The following KIAA1586 variants were observed in gnomAD, a reference collection of about 807,000 sequenced individuals.
KIAA1586 encodes KIAA1586, also known as E3 SUMO-protein ligase KIAA1586.
Under a neutral mutation model 6.1 loss-of-function variants are expected in KIAA1586, and 5 were observed. That is an observed-to-expected ratio of 0.82 (90% confidence interval 0.43 to 1.73). The LOEUF is 1.73. Ranked by LOEUF, KIAA1586 falls within the 40% of genes most tolerant of loss-of-function variation. The pLI, the probability that KIAA1586 is intolerant of heterozygous loss-of-function variation, is 0.02. For synonymous variants in KIAA1586, 280 were observed against 301.7 expected (o/e 0.93, Z 0.75); for missense variants, 899 against 878.2 (o/e 1.02, Z -0.30).
chr6:57,054,928 T>TA lies in KIAA1586; in HGVS notation c.*65_*66insA. 7.2e-7 allele frequency: 1 copy of TA among 1,379,434 alleles called. No individual in the cohort carries two copies. Among genetic ancestry groups the TA allele is most frequent in the African/African-American group, 1.5e-5 (1 of 68,396 alleles). 85.4% of individuals were successfully genotyped at this position (1,379,434 alleles called of 1,614,324 possible). ...TACACATCCTTTATATACATAAAGG[T>TA]CTTTTTTTTTTTTGGAAAGCCAGTT... On this transcript the variant is annotated 3_prime_UTR_variant, in exon 4 of 4. Transcript: ENST00000370733.
downstream of KIAA1586, among the ~76,000 whole-genome samples, chr6:57,057,865 GGCTTACT>G: frequency 6.6e-6 from 1 of 152,016 alleles, no homozygotes; most frequent in East Asian, 1.9e-4. Flanking sequence ...GCATGATCAT[GGCTTACT>G]GCAACCTCTG....
chr6:57,052,828 A>G lies in KIAA1586; in HGVS notation c.329A>G (p.Tyr110Cys), dbSNP rs747362080. The G allele has an allele frequency of 3.1e-6, 5 of 1,613,636 alleles. No individual in the cohort carries two copies. The Admixed American group carries it at 6.7e-5, about 22-fold the overall frequency. ...LSKAKEPHFE[Y>C]IEQPIIEEKP... The stretch of plus-strand genomic sequence containing the variant: ...AAGGCAAAGGAACCACATTTCGAGT[A>G]TATTGAACAACCAATCATTGAAGAA... Residue 110 changes from tyrosine to cysteine, a missense_variant, in exon 4 of 4, where the codon TAT becomes TGT. Tyr to Cys is a radical substitution (Grantham distance 194, BLOSUM62 -2). Coordinates refer to ENST00000370733, the MANE Select transcript of KIAA1586 (RefSeq NM_020931.4).
At position 57,046,718 on chromosome 6, in the gene KIAA1586, G is replaced by C; in HGVS notation, c.-38G>C. 6.2e-7 allele frequency: 1 copy of C among 1,611,656 alleles called. No homozygotes were observed. Among genetic ancestry groups the C allele is most frequent in the South Asian group, 1.1e-5 (1 of 90,676 alleles). On this transcript the variant is annotated 5_prime_UTR_variant, in exon 1 of 4. Coordinates refer to ENST00000370733, the MANE Select transcript of KIAA1586 (RefSeq NM_020931.4). ...GGTGGCGGCTGCGGCAGTAGGGACA[G>C]CAGGAGCAGTGGTGCTGTCAGCGCG...
At chr6:57,061,988 A>G in the KIAA1586 span, among the ~76,000 whole-genome samples, 2 of 150,718 alleles carry the variant, frequency 1.3e-5, no homozygotes, top group African/African-American at 2.4e-5. Context: ...CTAAAGTGCA[A>G]TGGTGCGATC....
the KIAA1586 span, among the ~76,000 whole-genome samples, chr6:57,064,497 A>G: frequency 2.6e-5 from 4 of 152,302 alleles, no homozygotes; most frequent in East Asian, 5.8e-4. Context: ...TTCAATGACA[A>G]CATTTTTCTT....
Position 57,053,704 on chromosome 6 carries a change from T to G in KIAA1586, c.1205T>G (p.Val402Gly). Residue 402 changes from valine to glycine, a missense_variant, in exon 4 of 4, where the codon GTA becomes GGA. Val to Gly is a moderately radical substitution (Grantham distance 109). Coordinates refer to ENST00000370733, the MANE Select transcript of KIAA1586 (RefSeq NM_020931.4). ...ACAATCCTGGGAAGAAAGTCTGGAG[T>G]AGCTACAAAATTGTTAGAAAATTTT... ...ANTILGRKSG[V>G]ATKLLENFPE... is the part of the protein sequence containing the mutation. The G allele has an allele frequency of 2.5e-6, 4 of 1,611,008 alleles. No individual in the cohort carries two copies. Among genetic ancestry groups the G allele is most frequent in the Non-Finnish European group, 3.4e-6 (4 of 1,177,726 alleles).
In KIAA1586 at chr6:57,053,970, G is replaced by T; in HGVS notation, c.1471G>T (p.Ala491Ser). The change falls in exon 4 of 4, where the codon GCT becomes TCT. Residue 491 changes from alanine (A) to serine (S), a missense_variant. Physicochemically the swap from Ala to Ser is moderately conservative, Grantham distance 99 (BLOSUM62 1). Coordinates refer to ENST00000370733, the MANE Select transcript of KIAA1586 (RefSeq NM_020931.4). ...GPRWAACSLQAATAVWHAYPI... is the reference protein window; with the variant it reads ...GPRWAACSLQSATAVWHAYPI... ...AAGATGGGCGGCATGTAGTTTACAA[G>T]CTGCTACTGCTGTATGGCATGCATA... 2 of 1,587,156 alleles carry T rather than the reference G, an allele frequency of 1.3e-6. No homozygotes were observed. The highest frequency in any genetic ancestry group is 1.7e-6 in the Non-Finnish European group (2 of 1,170,536).
chr6:57,048,223 A>G (rs139966662), intron 2 of KIAA1586, among the ~76,000 whole-genome samples: 180 of 152,036 alleles, frequency 1.2e-3, no homozygotes, highest in African/African-American at 4.1e-3. Context: ...TCTGTCCCCA[A>G]CTCGTCTTTT....
At position 57,054,707 on chromosome 6, in the gene KIAA1586, A is replaced by G; in HGVS notation, c.2208A>G (p.Ile736Met). The G allele has an allele frequency of 2.6e-6, 4 of 1,551,812 alleles. No individual in the cohort carries two copies. Among genetic ancestry groups the G allele is most frequent in the Non-Finnish European group, 3.5e-6 (4 of 1,146,934 alleles). ...TIDHVSDLMT[I>M]NLLGKELADW... is the part of the protein sequence containing the mutation. ...ATCATGTATCAGATTTAATGACAAT[A>G]AATTTACTGGGGAAAGAATTAGCAG... Residue 736 changes from isoleucine (I) to methionine (M), a missense_variant, in exon 4 of 4, where the codon ATA (isoleucine) becomes ATG (methionine). Physicochemically the swap from Ile to Met is conservative, Grantham distance 10. Transcript: ENST00000370733.
intron 1 of KIAA1586, chr6:57,047,052 A>C (rs1421047608): frequency 2.4e-6 from 1 of 409,646 alleles, no homozygotes; most frequent in Non-Finnish European, 4.1e-6. Flanking sequence ...TTCGGTGTTG[A>C]GCTTGCGTTC....
chr6:57,054,300 C>T lies in KIAA1586; in HGVS notation c.1801C>T (p.Leu601Phe), dbSNP rs193005247. ...TAATAAAAACAATAAATTTAATGCT[C>T]TTCCTAGGAGTATATTACTAGACAA... is the stretch of plus-strand genomic sequence containing the variant. ...PFNKNNKFNA[L>F]PRSILLDNII... is the part of the protein sequence containing the mutation. The change falls in exon 4 of 4, where the codon CTT (leucine) becomes TTT (phenylalanine). Residue 601 changes from leucine (L) to phenylalanine (F), a missense_variant. Transcript: ENST00000370733. 1.9e-6 allele frequency: 3 copies of T among 1,581,338 alleles called. No individual in the cohort carries two copies. The highest frequency in any genetic ancestry group is 4.5e-5 in the East Asian group (2 of 44,648).
In KIAA1586 at chr6:57,055,145, T is replaced by G. The variant is rs1828476839; in HGVS notation, c.*282T>G. 1 of 194,016 alleles carries G rather than the reference T, an allele frequency of 5.2e-6. No homozygotes were observed. Among genetic ancestry groups the G allele is most frequent in the African/African-American group, 2.4e-5 (1 of 42,496 alleles). 12.0% of individuals were successfully genotyped at this position (194,016 alleles called of 1,614,324 possible). ...TGTACTGTTTTACTTTAAGTAAGGATGCAAAAAATAGCAGGACTCAGCTAA... is the reference window on the plus strand; with the variant it reads ...TGTACTGTTTTACTTTAAGTAAGGAGGCAAAAAATAGCAGGACTCAGCTAA... On this transcript the variant is annotated 3_prime_UTR_variant, in exon 4 of 4. Transcript: ENST00000370733.
rs202156522 is a variant in KIAA1586 at position 57,053,800 on chromosome 6, T to G, written c.1301T>G (p.Ile434Arg). 2.1e-3 allele frequency: 3,156 copies of G among 1,527,280 alleles called. 5 individuals carry two copies. Among genetic ancestry groups the G allele is most frequent in the Non-Finnish European group, 2.6e-3 (2,941 of 1,128,622 alleles). 94.6% of individuals were successfully genotyped at this position (1,527,280 alleles called of 1,614,324 possible). A position where few individuals can be genotyped will look rare whatever the true frequency, so the allele number is the denominator to read the frequency against. Residue 434 changes from isoleucine (I) to arginine (R), a missense_variant, in exon 4 of 4, where the codon ATA (isoleucine) becomes AGA (arginine). Transcript: ENST00000370733. ...QLSLDDSISE[I>R]KQINHLKIFI... ...TCACTTGATGATTCTATATCCGAAATAAAACAAATTAATCATTTAAAAATA... is the reference window on the plus strand; with the variant it reads ...TCACTTGATGATTCTATATCCGAAAGAAAACAAATTAATCATTTAAAAATA...
chr6:57,053,675 T>C lies in KIAA1586; in HGVS notation c.1176T>C (p.Ala392=), dbSNP rs752353236. Residue 392 remains alanine, a synonymous_variant, in exon 4 of 4, where the codon GCT becomes GCC. Coordinates refer to ENST00000370733, the MANE Select transcript of KIAA1586 (RefSeq NM_020931.4). ...TAATTGCATTTTGTTCTGATGGTGC[T>C]AATACAATCCTGGGAAGAAAGTCTG... ...ANLIAFCSDG[A]NTILGRKSGV... is the part of the protein sequence containing the mutation. 5 of 1,611,792 alleles carry C rather than the reference T, an allele frequency of 3.1e-6. No homozygotes were observed. The highest frequency in any genetic ancestry group is 1.3e-5 in the African/African-American group (1 of 74,982).
the KIAA1586 span, among the ~76,000 whole-genome samples, chr6:57,063,935 C>T: frequency 6.6e-6 from 1 of 152,026 alleles, no homozygotes; most frequent in African/African-American, 2.4e-5. Flanking sequence ...AAACAAAGCA[C>T]CTTAGGTTCT....
the KIAA1586 span, among the ~76,000 whole-genome samples, chr6:57,066,875 A>T: frequency 6.6e-6 from 1 of 152,168 alleles, no homozygotes; most frequent in Non-Finnish European, 1.5e-5. Context: ...TGCCCTCTGA[A>T]ATAAATTACT....
chr6:57,054,468 C>A lies in KIAA1586; in HGVS notation c.1969C>A (p.His657Asn). The A allele has an allele frequency of 1.2e-6, 2 of 1,601,958 alleles. No individual in the cohort carries two copies. Among genetic ancestry groups the A allele is most frequent in the Non-Finnish European group, 1.7e-6 (2 of 1,175,272 alleles). ...GATAGCTGGTGAAAAAACATTATTT[C>A]ATTTGTGTAAAATTTTAAAATATGA... ...PWIAGEKTLFHLCKILKYEVD... is the reference protein window; with the variant it reads ...PWIAGEKTLFNLCKILKYEVD... Residue 657 changes from histidine to asparagine, a missense_variant, in exon 4 of 4, where the codon CAT (histidine) becomes AAT (asparagine). His to Asn is a moderately conservative substitution (Grantham distance 68). Coordinates refer to ENST00000370733, the MANE Select transcript of KIAA1586 (RefSeq NM_020931.4).
At position 57,054,142 on chromosome 6, in the gene KIAA1586, C is replaced by A; in HGVS notation, c.1643C>A (p.Thr548Asn). The A allele has an allele frequency of 6.3e-7, 1 of 1,592,704 alleles. No homozygotes were observed. Among genetic ancestry groups the A allele is most frequent in the Admixed American group, 1.8e-5 (1 of 54,608 alleles). The change falls in exon 4 of 4, where the codon ACT becomes AAT. Residue 548 changes from threonine (T) to asparagine (N), a missense_variant. Thr to Asn is a moderately conservative substitution (Grantham distance 65). Coordinates refer to ENST00000370733, the MANE Select transcript of KIAA1586 (RefSeq NM_020931.4). ...VLSTALQSRS[T>N]NIKKAQKLIK... Reference sequence around the variant, plus strand: ...TCAACTGCATTACAGTCAAGATCAACTAATATTAAGAAAGCACAAAAATTG... The same window carrying A: ...TCAACTGCATTACAGTCAAGATCAAATAATATTAAGAAAGCACAAAAATTG...
chr6:57,065,121 C>G, the KIAA1586 span, among the ~76,000 whole-genome samples: 1 of 152,042 alleles, frequency 6.6e-6, no homozygotes, highest in African/African-American at 2.4e-5. Flanking sequence ...ATTTGCTGTT[C>G]ATAAGGGACT....
Sources: gnomAD v4.1 joint callset for allele counts (sites outside exome capture counted in the v4.1 genomes callset) on GRCh38, gnomAD v4.1.1 for gene constraint, MANE v1.5 for transcripts, NCBI Gene and HGNC (gene_info 2026-07-23, HGNC 2026-07-21) for gene names.